The following TNKS variants were observed in gnomAD, a reference collection of about 807,000 sequenced individuals.
The protein encoded by TNKS is tankyrase, also known as poly [ADP-ribose] polymerase tankyrase-1.
A neutral mutation model predicts 135.8 loss-of-function variants in TNKS; 72 were observed. The observed-to-expected ratio is 0.53, with a 90% confidence interval of 0.44 to 0.64. TNKS has a LOEUF of 0.64. TNKS is among the 30% of genes least tolerant of loss of function. TNKS has a pLI of 0.00. For synonymous variants in TNKS, 849 were observed against 649.3 expected, an observed-to-expected ratio of 1.31 and a Z score of -4.68; for missense variants, 1,769 against 1,674.0, an observed-to-expected ratio of 1.06 and a Z score of -0.99.
intron 5 of TNKS, chr8:9,681,029 G>C (rs971500680): frequency 5.5e-6 from 2 of 362,726 alleles, no homozygotes; most frequent in African/African-American, 4.2e-5. Context: ...GACACAGCAA[G>C]TTATTTGTTA....
rs1202025453 is a variant in TNKS at position 9,780,646 on chromosome 8, G to C, written c.*3910G>C. On this transcript the variant is annotated 3_prime_UTR_variant, in exon 27 of 27. Coordinates refer to ENST00000310430, the MANE Select transcript of TNKS (RefSeq NM_003747.3). ...AAATTAAATTTTTCCCCTCTAGAAA[G>C]CCTTAACTATGGCGGAAACTTTTTA... 6.6e-6 allele frequency: 1 copy of C among 152,166 alleles called. No individual in the cohort carries two copies. Among genetic ancestry groups the C allele is most frequent in the Non-Finnish European group, 1.5e-5 (1 of 68,034 alleles). 9.4% of individuals were successfully genotyped at this position (152,166 alleles called of 1,614,324 possible).
At chr8:9,635,296 G>A (rs988434812) in intron 3 of TNKS, among the ~76,000 whole-genome samples, 7 of 152,166 alleles carry the variant, frequency 4.6e-5, no homozygotes, top group Admixed American at 1.3e-4. Context: ...CTATCAAAGT[G>A]TATCATAATA....
chr8:9,557,734 T>C (rs1815386432), intron 1 of TNKS: 1 of 152,198 alleles, frequency 6.6e-6, no homozygotes, highest in Non-Finnish European at 1.5e-5. Context: ...TTCTTCAGTT[T>C]GTTCTGTTAA....
intron 2 of TNKS, among the ~76,000 whole-genome samples, chr8:9,606,150 T>TTG (rs377645369): frequency 3.1e-5 from 1 of 31,954 alleles, no homozygotes; most frequent in African/African-American, 6.8e-5. Flanking sequence ...AAGAGTTATT[T>TTG]TGTGTTTTTT....
intron 5 of TNKS, among the ~76,000 whole-genome samples, chr8:9,689,264 A>G (rs548815191): frequency 6.6e-6 from 1 of 152,328 alleles, no homozygotes; most frequent in East Asian, 1.9e-4. Flanking sequence ...ATGAAAACAA[A>G]TTTCTAGAAG....
At chr8:9,605,538 G>A (rs563773837) in intron 2 of TNKS, among the ~76,000 whole-genome samples, 14 of 152,168 alleles carry the variant, frequency 9.2e-5, no homozygotes, top group African/African-American at 3.4e-4. Flanking sequence ...ATACAGTAGT[G>A]TATATTTAGC....
At chr8:9,708,327 C>A in intron 8 of TNKS, 44 bp from the exon 9 acceptor site, 1 of 1,454,094 alleles carries the variant, frequency 6.9e-7, no homozygotes, top group South Asian at 1.5e-5. Flanking sequence ...GATTTTTATA[C>A]ATTTTTACAT....
intron 3 of TNKS, among the ~76,000 whole-genome samples, chr8:9,634,086 T>C (rs1454589749): frequency 1.4e-5 from 2 of 147,642 alleles, no homozygotes; most frequent in Non-Finnish European, 3.0e-5. Flanking sequence ...ACTGCATATA[T>C]ATATATATAT....
rs189556347 is a variant in TNKS at position 9,560,818 on chromosome 8, G to T, written c.673+4206G>T. On this transcript the variant is annotated intron_variant, in intron 1 of 26. Coordinates refer to ENST00000310430, the MANE Select transcript of TNKS (RefSeq NM_003747.3). ...TAAACTGGATTACCTTTTACTTAGTGTTTTCTTAAAACCTTAACACTTTTC... is the reference window on the plus strand; with the variant it reads ...TAAACTGGATTACCTTTTACTTAGTTTTTTCTTAAAACCTTAACACTTTTC... 1.8e-3 allele frequency among the ~76,000 whole-genome samples: 277 copies of T among 151,652 alleles called. 1 individual carries two copies. The highest frequency in any genetic ancestry group is 1.4e-3 in the Non-Finnish European group (95 of 67,842).
rs779256477 is a variant in TNKS at position 9,556,195 on chromosome 8, G to C, written c.256G>C (p.Gly86Arg). The part of the protein sequence containing the change: ...DRPRSPDPVD[G>R]TSCCSTTSTI... ...GCCCCGATCCCCGGACCCGGTTGACGGTACCAGCTGTTGCAGTACCACCAG... is the reference window on the plus strand; with the variant it reads ...GCCCCGATCCCCGGACCCGGTTGACCGTACCAGCTGTTGCAGTACCACCAG... Residue 86 changes from glycine (G) to arginine (R), a missense_variant, in exon 1 of 27, where the codon GGT (glycine) becomes CGT (arginine). Gly to Arg is a moderately radical substitution (Grantham distance 125). Transcript: ENST00000310430. 9 of 1,613,518 alleles carry C rather than the reference G, an allele frequency of 5.6e-6. No individual in the cohort carries two copies. The highest frequency in any genetic ancestry group is 7.6e-6 in the Non-Finnish European group (9 of 1,179,684).
intron 22 of TNKS, among the ~76,000 whole-genome samples, chr8:9,764,480 C>T (rs1006095105): frequency 2.6e-5 from 4 of 151,940 alleles, no homozygotes; most frequent in Admixed American, 2.6e-4. Flanking sequence ...TAATATGTTT[C>T]CCCATTGTGT....
At chr8:9,699,956 C>G (rs1372829150) in intron 5 of TNKS, among the ~76,000 whole-genome samples, 1 of 152,218 alleles carries the variant, frequency 6.6e-6, no homozygotes, top group African/African-American at 2.4e-5. Context: ...ACCTTGTCCA[C>G]TGAATATTAA....
Position 9,655,472 on chromosome 8 carries a change from C to T in TNKS, c.995-24479C>T, listed in dbSNP as rs534188269. 2.6e-5 allele frequency among the ~76,000 whole-genome samples: 4 copies of T among 152,284 alleles called. No homozygotes were observed. In the East Asian group the frequency reaches 7.7e-4, roughly 29 times the overall value. ...AAGTGGGTCCCTGACCCCCGAGTAG[C>T]CTAACTGGGAGGCACCCCCCAGTAG... is the stretch of plus-strand genomic sequence containing the variant. On this transcript the variant is annotated intron_variant, in intron 3 of 26. Coordinates refer to ENST00000310430, the MANE Select transcript of TNKS (RefSeq NM_003747.3).
At chr8:9,755,317 C>T (rs1806779431) in intron 20 of TNKS, among the ~76,000 whole-genome samples, 1 of 152,092 alleles carries the variant, frequency 6.6e-6, no homozygotes, top group Non-Finnish European at 1.5e-5. Flanking sequence ...TTTTTTACTG[C>T]AGTTTCATTC....
chr8:9,770,300 A>G (rs749763508), intron 26 of TNKS, 38 bp downstream of exon 26: 7 of 1,585,120 alleles, frequency 4.4e-6, no homozygotes, highest in African/African-American at 1.3e-5. Context: ...CAAGTTCACA[A>G]ACATGTCAAT....
chr8:9,585,422 T>G (rs1798336739), intron 2 of TNKS, among the ~76,000 whole-genome samples: 1 of 152,162 alleles, frequency 6.6e-6, no homozygotes, highest in Admixed American at 6.5e-5. Flanking sequence ...GAGAAACCTA[T>G]CTTGAGATTG....
intron 1 of TNKS, among the ~76,000 whole-genome samples, chr8:9,565,247 A>C (rs1043875071): frequency 6.6e-6 from 1 of 152,048 alleles, no homozygotes; most frequent in East Asian, 1.9e-4. Context: ...GGAGTGTGTC[A>C]GCTCCCCATT....
At chr8:9,750,687 A>C (rs1334064514) in intron 18 of TNKS, among the ~76,000 whole-genome samples, 1 of 152,148 alleles carries the variant, frequency 6.6e-6, no homozygotes, top group Non-Finnish European at 1.5e-5. Flanking sequence ...ACTGGTGTGC[A>C]TTTCATTTCT....
chr8:9,559,025 G>A (rs66516712), intron 1 of TNKS, among the ~76,000 whole-genome samples: 43,624 of 151,968 alleles, frequency 0.29, 6,607 homozygotes, highest in East Asian at 0.4. Context: ...CCCTTGGATG[G>A]AAAAATTTAA....
Sources: gnomAD v4.1 joint callset for allele counts (sites outside exome capture counted in the v4.1 genomes callset) on GRCh38, gnomAD v4.1.1 for gene constraint, MANE v1.5 for transcripts, NCBI Gene and HGNC (gene_info 2026-07-23, HGNC 2026-07-21) for gene names.